Variants in MRPS28 observed in about 807,000 individuals in gnomAD.
MRPS28 encodes the protein small ribosomal subunit protein bS1m.
Under a neutral mutation model 10.8 loss-of-function variants are expected in MRPS28, and 7 were observed. The ratio of observed to expected loss-of-function variants is 0.65; its 90% CI spans 0.37 to 1.22. The LOEUF is 1.22. MRPS28 is among the 50% of genes most tolerant of loss of function. MRPS28 has a pLI of 0.02. For synonymous variants in MRPS28, 121 were observed against 93.3 expected (o/e 1.30, Z -1.71); for missense variants, 265 against 232.9 (o/e 1.14, Z -0.90).
chr8:79,951,171 ATC>A (rs1390497691), intron 2 of MRPS28, among the ~76,000 whole-genome samples: 1 of 152,168 alleles, frequency 6.6e-6, no homozygotes, highest in Non-Finnish European at 1.5e-5. Flanking sequence ...TTATCCTTGC[ATC>A]TGAGTTTGTA....
At chr8:79,928,699 C>G (rs534440488) in intron 2 of MRPS28, among the ~76,000 whole-genome samples, 1 of 151,614 alleles carries the variant, frequency 6.6e-6, no homozygotes, top group African/African-American at 2.4e-5. Context: ...CCTCGGCCTC[C>G]CAAAGTGCTG....
At chr8:79,943,394 C>T (rs1806821221) in intron 2 of MRPS28, among the ~76,000 whole-genome samples, 1 of 152,100 alleles carries the variant, frequency 6.6e-6, no homozygotes. Flanking sequence ...GTTTTTGATA[C>T]TTTTAGTTTT....
At chr8:79,927,644 C>G (rs1374538564) in intron 2 of MRPS28, among the ~76,000 whole-genome samples, 4 of 152,152 alleles carry the variant, frequency 2.6e-5, no homozygotes, top group Non-Finnish European at 5.9e-5. Context: ...AGACTATCCC[C>G]TCTCCTCTCC....
chr8:79,991,908 T>TGCTC (rs1563536346), intron 2 of MRPS28, among the ~76,000 whole-genome samples: 2 of 119,674 alleles, frequency 1.7e-5, no homozygotes, highest in African/African-American at 7.0e-5. Flanking sequence ...ACTTCCTCCT[T>TGCTC]GCTCTCTCTC....
chr8:79,967,644 C>CT (rs1411944286), intron 2 of MRPS28, among the ~76,000 whole-genome samples: 1 of 152,132 alleles, frequency 6.6e-6, no homozygotes, highest in Non-Finnish European at 1.5e-5. Flanking sequence ...CACCCTATGC[C>CT]TGTTAGACAG....
chr8:79,938,617 C>A (rs1806674651), intron 2 of MRPS28, among the ~76,000 whole-genome samples: 1 of 152,102 alleles, frequency 6.6e-6, no homozygotes, highest in Admixed American at 6.6e-5. Context: ...TTACTGTTGC[C>A]AGTATTTTCC....
chr8:79,920,790 T>G (rs1217112808), intron 2 of MRPS28, among the ~76,000 whole-genome samples: 1 of 152,192 alleles, frequency 6.6e-6, no homozygotes, highest in Non-Finnish European at 1.5e-5. Flanking sequence ...CGCTTTAGTT[T>G]AATTAGATCC....
intron 1 of MRPS28, among the ~76,000 whole-genome samples, chr8:80,013,981 T>G (rs1475944800): frequency 2.0e-5 from 3 of 152,088 alleles, no homozygotes; most frequent in Non-Finnish European, 4.4e-5. Context: ...CTCTCAATAT[T>G]GAAGAGAACA....
At chr8:79,979,296 C>T (rs1291855348) in intron 2 of MRPS28, among the ~76,000 whole-genome samples, 3 of 152,050 alleles carry the variant, frequency 2.0e-5, no homozygotes, top group Non-Finnish European at 4.4e-5. Flanking sequence ...CAGCAGAACC[C>T]ACTGGCTAGG....
At chr8:79,972,321 G>A (rs1254305600) in intron 2 of MRPS28, among the ~76,000 whole-genome samples, 4 of 152,024 alleles carry the variant, frequency 2.6e-5, no homozygotes, top group Admixed American at 2.0e-4. Flanking sequence ...GTGTCTGTGG[G>A]GTCCTGGAAC....
intron 1 of MRPS28, among the ~76,000 whole-genome samples, chr8:80,022,860 G>A (rs530496126): frequency 1.3e-5 from 2 of 152,118 alleles, no homozygotes; most frequent in East Asian, 1.9e-4. Flanking sequence ...TGAGAGTTAC[G>A]ATCTCCAAAT....
intron 2 of MRPS28, among the ~76,000 whole-genome samples, chr8:79,919,836 T>C (rs1433797283): frequency 6.6e-6 from 1 of 152,162 alleles, no homozygotes; most frequent in Non-Finnish European, 1.5e-5. Flanking sequence ...TTAGGGTACA[T>C]GTGCACAACG....
At chr8:79,964,874 A>C (rs1025505465) in intron 2 of MRPS28, among the ~76,000 whole-genome samples, 2 of 152,060 alleles carry the variant, frequency 1.3e-5, no homozygotes, top group African/African-American at 2.4e-5. Context: ...CACCAGCCCT[A>C]CAGCGAAGGA....
intron 2 of MRPS28, among the ~76,000 whole-genome samples, chr8:79,942,374 A>G (rs1005333034): frequency 2.0e-5 from 3 of 152,228 alleles, no homozygotes; most frequent in Non-Finnish European, 2.9e-5. Flanking sequence ...AGTGCTTTAT[A>G]TCTACCTCAA....
chr8:79,989,095 T>A (rs997226910), intron 2 of MRPS28, among the ~76,000 whole-genome samples: 3 of 152,158 alleles, frequency 2.0e-5, no homozygotes, highest in Non-Finnish European at 4.4e-5. Context: ...GAGGGTGCTT[T>A]CAACAAGTAT....
intron 2 of MRPS28, among the ~76,000 whole-genome samples, chr8:79,930,707 T>C (rs1465984351): frequency 6.6e-6 from 1 of 152,214 alleles, no homozygotes; most frequent in Non-Finnish European, 1.5e-5. Context: ...GACTACACAG[T>C]GACCAGGATG....
At chr8:80,003,219 A>G in intron 1 of MRPS28, 39 bp from the exon 2 acceptor site, 1 of 1,349,560 alleles carries the variant, frequency 7.4e-7, no homozygotes. Context: ...ATATAACTCA[A>G]CATGAAGGTA....
At chr8:79,979,281 C>T (rs1807886468) in intron 2 of MRPS28, among the ~76,000 whole-genome samples, 1 of 152,080 alleles carries the variant, frequency 6.6e-6, no homozygotes, top group African/African-American at 2.4e-5. Context: ...GGAGCTCAGG[C>T]ACAGCAGCAG....
rs1245845866 is a variant in MRPS28 at position 79,980,191 on chromosome 8, T to C, written c.395+22808A>G. Among the ~76,000 whole-genome samples, 14 of 152,290 alleles carry C rather than the reference T, an allele frequency of 9.2e-5. No individual in the cohort carries two copies. The East Asian group carries it at 2.7e-3, about 29-fold the overall frequency. ...ACCAACCAGTACTTTGATAGCACTT[T>C]GGGGGTAAGTACTATCTTCAACCAC... On this transcript the variant is annotated intron_variant, in intron 2 of 2. Transcript: ENST00000276585.
Sources: gnomAD v4.1 joint callset for allele counts (sites outside exome capture counted in the v4.1 genomes callset) on GRCh38, gnomAD v4.1.1 for gene constraint, MANE v1.5 for transcripts, NCBI Gene and HGNC (gene_info 2026-07-23, HGNC 2026-07-21) for gene names.